The following SRRM4 variants were observed in gnomAD, a reference collection of about 807,000 sequenced individuals.
SRRM4 encodes the protein serine/arginine repetitive matrix protein 4.
In SRRM4, 33 loss-of-function variants were observed where a neutral mutation model predicts 68.9. The observed-to-expected ratio is 0.48, with a 90% CI of 0.36 to 0.64. SRRM4 has a LOEUF of 0.64. Among genes scored for constraint, SRRM4 ranks in the 30% least tolerant of loss-of-function variants. SRRM4 has a pLI of 0.00. For synonymous variants in SRRM4, 318 were observed against 318.8 expected (o/e 1.00, Z 0.03); for missense variants, 817 against 827.1 (o/e 0.99, Z 0.15).
intron 1 of SRRM4, among the ~76,000 whole-genome samples, chr12:119,021,623 TC>T (rs1183752199): frequency 6.6e-6 from 1 of 152,100 alleles, no homozygotes; most frequent in Non-Finnish European, 1.5e-5. Flanking sequence ...CCAGCTTTTG[TC>T]CCCTCCCACT....
At chr12:119,041,008 C>A (rs1011207224) in intron 1 of SRRM4, among the ~76,000 whole-genome samples, 1 of 152,070 alleles carries the variant, frequency 6.6e-6, no homozygotes, top group Non-Finnish European at 1.5e-5. Flanking sequence ...CCTCAGCCTC[C>A]CAAAGTGCTA....
chr12:119,098,410 G>A (rs1670303664), intron 1 of SRRM4, among the ~76,000 whole-genome samples: 1 of 152,176 alleles, frequency 6.6e-6, no homozygotes, highest in Non-Finnish European at 1.5e-5. Flanking sequence ...ATAACATCAG[G>A]AAATTAGCCC....
chr12:119,038,806 C>T (rs563176752), intron 1 of SRRM4, among the ~76,000 whole-genome samples: 3 of 152,258 alleles, frequency 2.0e-5, no homozygotes, highest in Admixed American at 1.3e-4. Flanking sequence ...TTAGATCCGA[C>T]GTGTTATCAG....
chr12:119,008,737 C>T (rs1276582202), intron 1 of SRRM4, among the ~76,000 whole-genome samples: 2 of 152,162 alleles, frequency 1.3e-5, no homozygotes, highest in African/African-American at 4.8e-5. Flanking sequence ...GAAACCCCTC[C>T]CTCATCAGTG....
intron 1 of SRRM4, among the ~76,000 whole-genome samples, chr12:119,010,737 TG>T (rs1953443909): frequency 6.6e-6 from 1 of 152,248 alleles, no homozygotes; most frequent in Non-Finnish European, 1.5e-5. Flanking sequence ...GAGTGTTTAT[TG>T]CAGCCATGTT....
At chr12:119,116,589 G>A (rs924234716) in intron 3 of SRRM4, among the ~76,000 whole-genome samples, 7 of 152,030 alleles carry the variant, frequency 4.6e-5, no homozygotes, top group African/African-American at 1.4e-4. Flanking sequence ...TCTTTAGGCC[G>A]GTCACTTCAC....
chr12:119,120,351 C>T (rs374366018), intron 5 of SRRM4, 75 bp downstream of exon 5: 42 of 1,481,646 alleles, frequency 2.8e-5, no homozygotes, highest in Non-Finnish European at 3.7e-5. Flanking sequence ...TCTAGGTCAG[C>T]CCTCAGTTTC....
chr12:119,117,991 T>A (rs1954192432), intron 4 of SRRM4, among the ~76,000 whole-genome samples: 2 of 152,150 alleles, frequency 1.3e-5, no homozygotes, highest in African/African-American at 4.8e-5. Flanking sequence ...AACCAACACT[T>A]TATAATTGGA....
chr12:119,074,874 C>A (rs1241469754), intron 1 of SRRM4, among the ~76,000 whole-genome samples: 1 of 152,220 alleles, frequency 6.6e-6, no homozygotes. Flanking sequence ...AGGCAAGTTG[C>A]AGTCCTTGCC....
intron 1 of SRRM4, among the ~76,000 whole-genome samples, chr12:119,092,785 T>C (rs1210529152): frequency 6.6e-6 from 1 of 151,780 alleles, no homozygotes; most frequent in Non-Finnish European, 1.5e-5. Flanking sequence ...TCAGAACATA[T>C]CTATCCAATG....
chr12:119,011,172 A>T (rs1439350587), intron 1 of SRRM4, among the ~76,000 whole-genome samples: 1 of 152,228 alleles, frequency 6.6e-6, no homozygotes, highest in Non-Finnish European at 1.5e-5. Context: ...CTCCTGTGTT[A>T]GTTATGTATA....
intron 1 of SRRM4, among the ~76,000 whole-genome samples, chr12:119,049,432 T>C (rs925264800): frequency 6.6e-6 from 1 of 152,174 alleles, no homozygotes; most frequent in Non-Finnish European, 1.5e-5. Flanking sequence ...GTATGGCAAC[T>C]TTTTTCGTTA....
At chr12:118,982,404 G>C (rs1953253395) in intron 1 of SRRM4, among the ~76,000 whole-genome samples, 1 of 152,130 alleles carries the variant, frequency 6.6e-6, no homozygotes, top group Non-Finnish European at 1.5e-5. Context: ...AAGGAGAACT[G>C]AGCCAGCTCA....
At chr12:119,033,662 C>CA (rs34508021) in intron 1 of SRRM4, among the ~76,000 whole-genome samples, 26,212 of 139,500 alleles carry the variant, frequency 0.19, 2,452 homozygotes, top group East Asian at 0.4. Flanking sequence ...GACTCCATCT[C>CA]AAAAAAAAAA....
Position 119,160,549 on chromosome 12 carries a change from G to A in SRRM4, c.*3751G>A, listed in dbSNP as rs1954506700. The A allele has an allele frequency of 1.3e-5, 2 of 152,162 alleles. No homozygotes were observed. The highest frequency in any genetic ancestry group is 4.8e-5 in the African/African-American group (2 of 41,434). 9.4% of individuals were successfully genotyped at this position (152,162 alleles called of 1,614,324 possible). A position where few individuals can be genotyped will look rare whatever the true frequency, so the allele number is the denominator to read the frequency against. ...CAAAAACCAACATCCAAAATGGGAG[G>A]GAGATGTGGCTTGAGGTCAAGCGCC... On this transcript the variant is annotated 3_prime_UTR_variant, in exon 13 of 13. Coordinates refer to ENST00000267260, the MANE Select transcript of SRRM4 (RefSeq NM_194286.4).
chr12:119,087,013 C>T (rs78212000), intron 1 of SRRM4, among the ~76,000 whole-genome samples: 21,333 of 152,162 alleles, frequency 0.14, 1,674 homozygotes, highest in African/African-American at 0.21. Context: ...GGAGGATCTA[C>T]GCGTGGTTCC....
At chr12:119,082,268 C>T (rs1363900123) in intron 1 of SRRM4, among the ~76,000 whole-genome samples, 1 of 152,160 alleles carries the variant, frequency 6.6e-6, no homozygotes, top group Non-Finnish European at 1.5e-5. Flanking sequence ...GCCTCTGTCC[C>T]TCCTCCTCTT....
intron 1 of SRRM4, among the ~76,000 whole-genome samples, chr12:119,025,808 C>T (rs1184628525): frequency 1.3e-5 from 2 of 151,988 alleles, no homozygotes; most frequent in Non-Finnish European, 2.9e-5. Context: ...TAGAAAGCAT[C>T]AGACCTCCAT....
rs753176821 is a variant in SRRM4 at position 119,153,609 on chromosome 12, T to C, written c.1351T>C (p.Ser451Pro). ...KRSPPSRSSR[S>P]RRSPSYSRYS... ...GAGCCCGCCCAGCAGAAGCTCTAGG[T>C]CCCGCCGCAGCCCTAGCTACTCCCG... is the stretch of plus-strand genomic sequence containing the variant. Residue 451 changes from serine (S) to proline (P), a missense_variant, in exon 11 of 13, where the codon TCC becomes CCC. Transcript: ENST00000267260. 5 of 1,567,450 alleles carry C rather than the reference T, an allele frequency of 3.2e-6. No individual in the cohort carries two copies. In the South Asian group the frequency reaches 5.9e-5, roughly 18 times the overall value.
Sources: allele counts gnomAD v4.1 joint callset (sites outside exome capture counted in the v4.1 genomes callset), GRCh38; gene constraint gnomAD v4.1.1; transcripts MANE v1.5; gene names NCBI Gene and HGNC (gene_info 2026-07-23, HGNC 2026-07-21).